Variants in DPP6 observed in about 807,000 individuals in gnomAD.
DPP6 encodes the protein A-type potassium channel modulatory protein DPP6.
A neutral mutation model predicts 122.6 loss-of-function variants in DPP6; 69 were observed. That is an observed-to-expected ratio of 0.56 (90% CI 0.46 to 0.69). The LOEUF (loss-of-function observed/expected upper bound fraction) is 0.69. Among genes scored for constraint, DPP6 ranks in the 30% least tolerant of loss-of-function variants. The probability of loss-of-function intolerance (pLI) is 0.00; values close to 1 mark genes in which losing one functional copy is unlikely to be tolerated. For synonymous variants in DPP6, 418 were observed against 433.1 expected (o/e 0.97, Z 0.43); for missense variants, 928 against 1,116.9 (o/e 0.83, Z 2.41).
chr7:154,267,136 G>A (rs1015863435), intron 1 of DPP6, among the ~76,000 whole-genome samples: 10 of 151,808 alleles, frequency 6.6e-5, no homozygotes, highest in African/African-American at 2.4e-4. Context: ...TAAAGTCAAG[G>A]TTACTAAGAT....
intron 1 of DPP6, among the ~76,000 whole-genome samples, chr7:154,346,521 G>T (rs1810410456): frequency 1.3e-5 from 2 of 152,114 alleles, no homozygotes; most frequent in South Asian, 4.1e-4. Flanking sequence ...TGGCCAGGCT[G>T]CTCTTGAACT....
At chr7:154,498,928 G>C (rs959005011) in intron 3 of DPP6, among the ~76,000 whole-genome samples, 1 of 152,138 alleles carries the variant, frequency 6.6e-6, no homozygotes, top group African/African-American at 2.4e-5. Context: ...TCCCTGCTCT[G>C]CCATCAGTAA....
At chr7:154,416,704 T>G (rs1817050658) in intron 1 of DPP6, among the ~76,000 whole-genome samples, 1 of 142,594 alleles carries the variant, frequency 7.0e-6, no homozygotes, top group Admixed American at 6.8e-5. Context: ...CAATTGTAAT[T>G]CTCTGCTAAA....
intron 5 of DPP6, among the ~76,000 whole-genome samples, chr7:154,608,066 G>C (rs188240859): frequency 7.3e-5 from 10 of 136,066 alleles, no homozygotes; most frequent in African/African-American, 2.6e-4. Flanking sequence ...TGCAAGCTCC[G>C]CCTCCCAGGT....
the DPP6 span, among the ~76,000 whole-genome samples, chr7:153,777,936 C>T: frequency 4.8e-5 from 7 of 146,898 alleles, no homozygotes; most frequent in South Asian, 2.1e-4. Flanking sequence ...AAATGGAATA[C>T]GAATTGTAAC....
intron 1 of DPP6, among the ~76,000 whole-genome samples, chr7:154,297,410 G>C (rs1805614250): frequency 6.6e-6 from 1 of 152,134 alleles, no homozygotes; most frequent in Non-Finnish European, 1.5e-5. Context: ...CATGAGCCCT[G>C]GTTTTCCTAC....
At chr7:154,610,361 T>G (rs1164810739) in intron 5 of DPP6, among the ~76,000 whole-genome samples, 1 of 152,084 alleles carries the variant, frequency 6.6e-6, no homozygotes, top group African/African-American at 2.4e-5. Flanking sequence ...GGGAGGCATT[T>G]CAGGTGGGAG....
chr7:154,889,230 G>A (rs1806403755), intron 23 of DPP6, 42 bp from the exon 24 acceptor site: 1 of 1,601,762 alleles, frequency 6.2e-7, no homozygotes, highest in African/African-American at 1.3e-5. Context: ...GCTCCCTGCA[G>A]TGCAGCCCCC....
At chr7:154,290,037 A>G (rs1805104977) in intron 1 of DPP6, among the ~76,000 whole-genome samples, 1 of 152,210 alleles carries the variant, frequency 6.6e-6, no homozygotes, top group Non-Finnish European at 1.5e-5. Flanking sequence ...ATTCATTCCC[A>G]TCATTACGAA....
At chr7:154,616,394 A>G (rs1834258161) in intron 5 of DPP6, among the ~76,000 whole-genome samples, 1 of 152,142 alleles carries the variant, frequency 6.6e-6, no homozygotes, top group Non-Finnish European at 1.5e-5. Flanking sequence ...ACAATTGTCC[A>G]TGAAATTTTG....
intron 1 of DPP6, among the ~76,000 whole-genome samples, chr7:154,287,839 A>C (rs1804954723): frequency 6.6e-6 from 1 of 152,176 alleles, no homozygotes; most frequent in Non-Finnish European, 1.5e-5. Context: ...TTGTCCTGAG[A>C]TGTTCCTGCC....
chr7:154,444,959 G>A (rs974413103), intron 1 of DPP6, among the ~76,000 whole-genome samples: 3 of 152,170 alleles, frequency 2.0e-5, no homozygotes, highest in African/African-American at 7.2e-5. Flanking sequence ...AAGACTTGTA[G>A]AAATTCTAAA....
At chr7:154,256,946 C>T (rs1450056699) in intron 1 of DPP6, among the ~76,000 whole-genome samples, 3 of 151,840 alleles carry the variant, frequency 2.0e-5, no homozygotes, top group Non-Finnish European at 4.4e-5. Context: ...TTTAGAGTGA[C>T]AGCATGAAAT....
At chr7:154,380,443 G>A (rs1369162630) in intron 1 of DPP6, among the ~76,000 whole-genome samples, 1 of 152,222 alleles carries the variant, frequency 6.6e-6, no homozygotes, top group African/African-American at 2.4e-5. Flanking sequence ...TACATGAAGT[G>A]CAGACAGGTG....
At chr7:154,584,799 G>A (rs1832327803) in intron 5 of DPP6, among the ~76,000 whole-genome samples, 1 of 152,196 alleles carries the variant, frequency 6.6e-6, no homozygotes, top group Non-Finnish European at 1.5e-5. Context: ...ACTCAGCTCA[G>A]AAAGCATGCA....
chr7:154,480,498 T>G (rs1189592782), intron 3 of DPP6, among the ~76,000 whole-genome samples: 1 of 152,190 alleles, frequency 6.6e-6, no homozygotes, highest in South Asian at 2.1e-4. Context: ...CTGGATACAC[T>G]TTTTTCTTTC....
rs748054482 is a variant in DPP6 at position 154,838,254 on chromosome 7, A to C, written c.1667-15526A>C. ...AGATTCACAGAATGTTAGAGCAGAA[A>C]GAAGTTCCAAGATCCGCTAATCCAA... On this transcript the variant is annotated intron_variant, in intron 16 of 25. Coordinates refer to ENST00000377770, the MANE Select transcript of DPP6 (RefSeq NM_130797.4). 3.9e-5 allele frequency: 6 copies of C among 152,234 alleles called. No individual in the cohort carries two copies. The South Asian group carries it at 1.2e-3, about 32-fold the overall frequency. 9.4% of individuals were successfully genotyped at this position (152,234 alleles called of 1,614,324 possible).
rs184919469 is a variant in DPP6, at chr7:154,606,735, G to T, written c.628-31086G>T. On this transcript the variant is annotated intron_variant, in intron 5 of 25. Transcript: ENST00000377770. ...ACTCACAGATGAACTGAGTAGCCTAGAAATATCAAAACAATTAAGAAAAGT... is the reference window on the plus strand; with the variant it reads ...ACTCACAGATGAACTGAGTAGCCTATAAATATCAAAACAATTAAGAAAAGT... Among the ~76,000 whole-genome samples the T allele has an allele frequency of 2.2e-3, 263 of 120,764 alleles. 37 individuals are homozygous for T. Among genetic ancestry groups the T allele is most frequent in the African/African-American group, 6.7e-3 (253 of 37,928 alleles). The allele number at this position is 120,764 out of a possible 152,430, so 79.2% of individuals were successfully genotyped here.
At chr7:153,832,683 G>T in the DPP6 span, among the ~76,000 whole-genome samples, 1 of 97,258 alleles carries the variant, frequency 1.0e-5, no homozygotes, top group Admixed American at 9.6e-5. Flanking sequence ...ATACTGGAAT[G>T]ATGGTATACC....
Sources: gnomAD v4.1 joint callset for allele counts (sites outside exome capture counted in the v4.1 genomes callset) on GRCh38, gnomAD v4.1.1 for gene constraint, MANE v1.5 for transcripts, NCBI Gene and HGNC (gene_info 2026-07-23, HGNC 2026-07-21) for gene names.